The following DEPTOR variants were observed in gnomAD, a reference collection of about 807,000 sequenced individuals.
The protein encoded by DEPTOR is DEP domain containing MTOR interacting protein, also known as DEP domain-containing mTOR-interacting protein.
In DEPTOR, 41 loss-of-function variants were observed where a neutral mutation model predicts 41.6. That is an observed-to-expected ratio of 0.98 (90% confidence interval 0.77 to 1.28). The LOEUF is 1.28. Ranked by LOEUF, DEPTOR falls within the 50% of genes most tolerant of loss-of-function variation. The pLI is 0.00. For synonymous variants in DEPTOR, 195 were observed against 192.3 expected (o/e 1.01, Z -0.12); for missense variants, 514 against 527.9 (o/e 0.97, Z 0.26).
chr8:119,882,888 G>GT (rs1827316649), intron 1 of DEPTOR, among the ~76,000 whole-genome samples: 1 of 152,088 alleles, frequency 6.6e-6, no homozygotes, highest in Non-Finnish European at 1.5e-5. Flanking sequence ...GGAGAGGTGG[G>GT]TACCAAATCT....
intron 8 of DEPTOR, among the ~76,000 whole-genome samples, chr8:120,048,975 C>G (rs1412160773): frequency 6.6e-6 from 1 of 152,134 alleles, no homozygotes; most frequent in Admixed American, 6.6e-5. Context: ...CAGTACTCTC[C>G]AATTTTGTTG....
chr8:119,929,295 T>C (rs1295836929), intron 2 of DEPTOR, among the ~76,000 whole-genome samples: 1 of 152,160 alleles, frequency 6.6e-6, no homozygotes, highest in Non-Finnish European at 1.5e-5. Context: ...ATTCTTCAGG[T>C]CTCCACTTAC....
At chr8:119,893,922 G>A (rs914424770) in intron 1 of DEPTOR, among the ~76,000 whole-genome samples, 2 of 152,104 alleles carry the variant, frequency 1.3e-5, no homozygotes, top group African/African-American at 4.8e-5. Flanking sequence ...TCTCATCTTC[G>A]TGAACTTCTA....
At chr8:119,922,421 G>T (rs1827909516) in intron 1 of DEPTOR, among the ~76,000 whole-genome samples, 3 of 152,008 alleles carry the variant, frequency 2.0e-5, no homozygotes, top group Non-Finnish European at 4.4e-5. Flanking sequence ...TTGGATTCCT[G>T]ACAGACATCA....
intron 1 of DEPTOR, among the ~76,000 whole-genome samples, chr8:119,921,101 A>G (rs2017310): frequency 0.28 from 42,579 of 151,662 alleles, 6,417 homozygotes; most frequent in Middle Eastern, 0.4. Context: ...CTCAGCCGGC[A>G]TAGTAGCTGG....
intron 8 of DEPTOR, among the ~76,000 whole-genome samples, chr8:120,016,503 G>A (rs547271513): frequency 4.6e-5 from 7 of 152,074 alleles, no homozygotes; most frequent in African/African-American, 1.7e-4. Context: ...GTTTCACCAT[G>A]TTGGTCAGGC....
At chr8:119,905,467 G>A (rs1031121376) in intron 1 of DEPTOR, among the ~76,000 whole-genome samples, 3 of 152,124 alleles carry the variant, frequency 2.0e-5, no homozygotes, top group African/African-American at 7.2e-5. Flanking sequence ...ACAGAGACAA[G>A]AGCAGGTGGA....
At chr8:120,001,840 C>A in intron 5 of DEPTOR, 130 bp downstream of exon 5, 1 of 1,154,984 alleles carries the variant, frequency 8.7e-7, no homozygotes, top group Non-Finnish European at 1.1e-6. Context: ...AACCAAGAAG[C>A]ATGAAAAAAA....
At chr8:119,874,889 C>A (rs942777844) in intron 1 of DEPTOR, among the ~76,000 whole-genome samples, 2 of 152,142 alleles carry the variant, frequency 1.3e-5, no homozygotes, top group Non-Finnish European at 2.9e-5. Context: ...GAAAACCCAG[C>A]TCTGCAGCGT....
At chr8:119,974,185 G>C (rs1367855694) in intron 4 of DEPTOR, among the ~76,000 whole-genome samples, 1 of 139,646 alleles carries the variant, frequency 7.2e-6, no homozygotes, top group Admixed American at 7.9e-5. Context: ...GATTGCTTGA[G>C]GACAGGAGTT....
At chr8:119,894,035 T>C (rs1827483487) in intron 1 of DEPTOR, among the ~76,000 whole-genome samples, 1 of 152,194 alleles carries the variant, frequency 6.6e-6, no homozygotes, top group African/African-American at 2.4e-5. Flanking sequence ...TAACAGCTTG[T>C]GTGAAAGGAA....
intron 1 of DEPTOR, among the ~76,000 whole-genome samples, chr8:119,926,184 C>T (rs767463761): frequency 1.7e-4 from 26 of 152,120 alleles, no homozygotes; most frequent in African/African-American, 6.3e-4. Flanking sequence ...ATAATCTTTA[C>T]AGTTCCCATT....
In DEPTOR at chr8:120,012,472, A is replaced by G. The variant is rs61514881; in HGVS notation, c.1101+3339A>G. ...AAAAAATAATGAATTGAGCTATAAT[A>G]TTATGACAACTGTGATGTCACTGGG... is the stretch of plus-strand genomic sequence containing the variant. On this transcript the variant is annotated intron_variant, in intron 8 of 8. Transcript: ENST00000286234. Among the ~76,000 whole-genome samples the G allele has an allele frequency of 2.9e-3, 439 of 152,274 alleles. 3 individuals carry two copies. The highest frequency in any genetic ancestry group is 0.01 in the African/African-American group (421 of 41,562).
chr8:119,964,783 A>G (rs1198443797), intron 3 of DEPTOR, among the ~76,000 whole-genome samples: 2 of 152,048 alleles, frequency 1.3e-5, no homozygotes, highest in African/African-American at 4.8e-5. Context: ...CTTCTGAAGC[A>G]ATTAGAAATT....
At chr8:119,921,829 C>T (rs571986811) in intron 1 of DEPTOR, among the ~76,000 whole-genome samples, 6 of 149,034 alleles carry the variant, frequency 4.0e-5, no homozygotes, top group African/African-American at 7.5e-5. Flanking sequence ...GGCATGATAT[C>T]GACTCACTGT....
At chr8:119,942,590 TC>T (rs1358299054) in intron 3 of DEPTOR, among the ~76,000 whole-genome samples, 14 of 152,210 alleles carry the variant, frequency 9.2e-5, no homozygotes, top group Non-Finnish European at 2.1e-4. Context: ...GCTGGCTACT[TC>T]CGCCAAGTTT....
intron 8 of DEPTOR, among the ~76,000 whole-genome samples, chr8:120,046,444 G>A (rs1023339558): frequency 2.3e-4 from 35 of 151,510 alleles, no homozygotes; most frequent in African/African-American, 8.0e-4. Context: ...ATATAAATGG[G>A]CTCTTACACT....
At chr8:119,993,493 TACAACTGGTAAGATC>T (rs1281563975) in intron 4 of DEPTOR, among the ~76,000 whole-genome samples, 3 of 152,220 alleles carry the variant, frequency 2.0e-5, no homozygotes, top group African/African-American at 7.2e-5. Context: ...AGTTTTCAAT[TACAACTGGTAAGATC>T]ACAACTGGAA....
intron 1 of DEPTOR, among the ~76,000 whole-genome samples, chr8:119,896,968 AT>A (rs1827528734): frequency 6.6e-6 from 1 of 152,226 alleles, no homozygotes; most frequent in Non-Finnish European, 1.5e-5. Flanking sequence ...GGTTGCATGA[AT>A]AATTATTTAC....
Sources: gnomAD v4.1 joint callset for allele counts (sites outside exome capture counted in the v4.1 genomes callset) on GRCh38, gnomAD v4.1.1 for gene constraint, MANE v1.5 for transcripts, NCBI Gene and HGNC (gene_info 2026-07-23, HGNC 2026-07-21) for gene names.